Variants in ADAM23 observed in about 807,000 individuals in gnomAD.
The protein encoded by ADAM23 is ADAM metallopeptidase domain 23.
A neutral mutation model predicts 120.1 loss-of-function variants in ADAM23; 33 were observed. The ratio of observed to expected loss-of-function variants is 0.27; its 90% CI spans 0.21 to 0.37. The LOEUF is 0.37. Ranked by LOEUF, ADAM23 falls within the 10% of genes least tolerant of loss-of-function variation. The pLI is 1.00. For synonymous variants in ADAM23, 367 were observed against 375.2 expected, an observed-to-expected ratio of 0.98 and a Z score of 0.25; for missense variants, 862 against 1,058.2, an observed-to-expected ratio of 0.81 and a Z score of 2.57.
intron 24 of ADAM23, among the ~76,000 whole-genome samples, chr2:206,600,149 C>G (rs1698611599): frequency 6.6e-6 from 1 of 152,154 alleles, no homozygotes. Flanking sequence ...TTGCAGTGAG[C>G]TGAGATCGCG....
At chr2:206,484,071 C>T (rs1374638946) in intron 3 of ADAM23, among the ~76,000 whole-genome samples, 1 of 152,036 alleles carries the variant, frequency 6.6e-6, no homozygotes, top group Admixed American at 6.6e-5. Flanking sequence ...ATCTATAGGG[C>T]AAGAGCTGGG....
At chr2:206,617,256 T>G (rs1698951283) in intron 25 of ADAM23, among the ~76,000 whole-genome samples, 1 of 152,176 alleles carries the variant, frequency 6.6e-6, no homozygotes, top group African/African-American at 2.4e-5. Context: ...TTTCACCTAA[T>G]GAATTAGCAG....
chr2:206,519,573 C>G (rs891619037), intron 3 of ADAM23, among the ~76,000 whole-genome samples: 2 of 152,026 alleles, frequency 1.3e-5, no homozygotes, highest in African/African-American at 4.8e-5. Flanking sequence ...TAGTTTTGTA[C>G]CCACATGAAG....
chr2:206,577,790 G>C (rs1698144379), intron 18 of ADAM23, among the ~76,000 whole-genome samples: 1 of 151,712 alleles, frequency 6.6e-6, no homozygotes, highest in Non-Finnish European at 1.5e-5. Context: ...TAATGGGATG[G>C]CTTGGTCAAA....
At chr2:206,616,184 C>T (rs1698932224) in intron 25 of ADAM23, among the ~76,000 whole-genome samples, 1 of 152,176 alleles carries the variant, frequency 6.6e-6, no homozygotes, top group South Asian at 2.1e-4. Flanking sequence ...CAGATGGAGA[C>T]CCTGTGCTCT....
At chr2:206,485,721 A>G (rs969970856) in intron 3 of ADAM23, among the ~76,000 whole-genome samples, 6 of 152,208 alleles carry the variant, frequency 3.9e-5, no homozygotes, top group Admixed American at 2.0e-4. Context: ...TAAGATAGAC[A>G]AGACTTGTGC....
Position 206,542,048 on chromosome 2 carries a change from C to G in ADAM23, c.574-4C>G, listed in dbSNP as rs1049245295. 4 of 1,614,018 alleles carry G rather than the reference C, an allele frequency of 2.5e-6. No homozygotes were observed. In the African/African-American group the frequency reaches 5.3e-5, roughly 22 times the overall value. On this transcript the variant is annotated splice_polypyrimidine_tract_variant and splice_region_variant and intron_variant, in intron 4 of 25. Transcript: ENST00000264377. ...ACAACCAATCAATGAAACCTGCTTT[C>G]CAGGGTGGAGAGCACTGTTACTACC...
chr2:206,604,592 C>T (rs1559286181), intron 24 of ADAM23, among the ~76,000 whole-genome samples: 1 of 152,036 alleles, frequency 6.6e-6, no homozygotes, highest in Non-Finnish European at 1.5e-5. Context: ...CCAGGTTGTG[C>T]TTAGTCAATG....
intron 25 of ADAM23, among the ~76,000 whole-genome samples, chr2:206,610,575 T>C (rs942876568): frequency 2.6e-5 from 4 of 152,230 alleles, no homozygotes; most frequent in African/African-American, 9.6e-5. Context: ...AATGTGGCTT[T>C]GTGACACTTA....
intron 4 of ADAM23, among the ~76,000 whole-genome samples, chr2:206,539,062 A>G (rs920572090): frequency 6.6e-6 from 1 of 152,218 alleles, no homozygotes; most frequent in Non-Finnish European, 1.5e-5. Flanking sequence ...GTGTCAGTAT[A>G]TGAAGAGGAA....
intron 18 of ADAM23, among the ~76,000 whole-genome samples, chr2:206,585,042 C>T (rs1698296845): frequency 6.6e-6 from 1 of 152,152 alleles, no homozygotes. Context: ...CCCACTTCCA[C>T]AATTGGGGCA....
intron 4 of ADAM23, among the ~76,000 whole-genome samples, chr2:206,535,793 A>G (rs569880396): frequency 2.0e-5 from 3 of 152,342 alleles, no homozygotes; most frequent in South Asian, 2.1e-4. Flanking sequence ...CATGATTGCC[A>G]GGGCCTGGTG....
intron 9 of ADAM23, among the ~76,000 whole-genome samples, chr2:206,557,039 A>C (rs1396930163): frequency 6.6e-6 from 1 of 152,162 alleles, no homozygotes; most frequent in Middle Eastern, 3.2e-3. Context: ...AGCTTCTCAT[A>C]TCGATTTCTA....
chr2:206,475,362 G>T lies in ADAM23; in HGVS notation c.433-5870G>T, dbSNP rs116526174. 5.4e-3 allele frequency among the ~76,000 whole-genome samples: 821 copies of T among 152,036 alleles called. 17 individuals are homozygous for T. Among genetic ancestry groups the T allele is most frequent in the African/African-American group, 0.019 (793 of 41,476 alleles). ...ACTTTTAAGATATATTTACATATTT[G>T]GATTTTTGCATTATACAGAAAAAGA... On this transcript the variant is annotated intron_variant, in intron 2 of 25. Transcript: ENST00000264377.
intron 2 of ADAM23, among the ~76,000 whole-genome samples, chr2:206,450,068 A>G (rs1306502578): frequency 1.3e-5 from 2 of 152,220 alleles, no homozygotes; most frequent in African/African-American, 2.4e-5. Context: ...TCCAGAAACC[A>G]GTTGTTCCAT....
chr2:206,579,187 C>T (rs1369730403), intron 18 of ADAM23, among the ~76,000 whole-genome samples: 1 of 152,048 alleles, frequency 6.6e-6, no homozygotes, highest in Non-Finnish European at 1.5e-5. Context: ...TGGGTTGTCT[C>T]TTTACTCTGC....
chr2:206,470,604 C>G (rs542497729), intron 2 of ADAM23, among the ~76,000 whole-genome samples: 7 of 152,178 alleles, frequency 4.6e-5, no homozygotes, highest in Non-Finnish European at 8.8e-5. Flanking sequence ...AGTTGTGGGC[C>G]TCTATGTTGA....
At chr2:206,578,504 AG>A (rs1210021249) in intron 18 of ADAM23, among the ~76,000 whole-genome samples, 1 of 152,110 alleles carries the variant, frequency 6.6e-6, no homozygotes, top group Non-Finnish European at 1.5e-5. Context: ...ACTCTCATCC[AG>A]GTCACTGCAA....
In ADAM23 at chr2:206,576,024, C is replaced by T. The variant is rs141552242; in HGVS notation, c.1737+2829C>T. ...TTATTTGAAATTCAATTCAGATGGA[C>T]CCTCTTAAAGAAATGGTACAGTGAA... On this transcript the variant is annotated intron_variant, in intron 18 of 25. Transcript: ENST00000264377. Among the ~76,000 whole-genome samples, 554 of 152,152 alleles carry T rather than the reference C, an allele frequency of 3.6e-3. 7 individuals carry two copies. Among genetic ancestry groups the T allele is most frequent in the African/African-American group, 0.013 (523 of 41,506 alleles).
Sources: gnomAD v4.1 joint callset for allele counts (sites outside exome capture counted in the v4.1 genomes callset) on GRCh38, gnomAD v4.1.1 for gene constraint, MANE v1.5 for transcripts, NCBI Gene and HGNC (gene_info 2026-07-23, HGNC 2026-07-21) for gene names.